PLD5: variants seen among roughly 807,000 people sequenced by gnomAD.
PLD5 encodes the protein phospholipase D family member 5, also known as inactive phospholipase D5.
A neutral mutation model predicts 61.1 loss-of-function variants in PLD5; 36 were observed. The observed-to-expected ratio is 0.59, with a 90% confidence interval of 0.45 to 0.78. The LOEUF (loss-of-function observed/expected upper bound fraction) is 0.78. Ranked by LOEUF, PLD5 falls within the 30% of genes least tolerant of loss-of-function variation. The probability of loss-of-function intolerance (pLI) is 0.00; values close to 1 mark genes in which losing one functional copy is unlikely to be tolerated. For synonymous variants in PLD5, 243 were observed against 242.8 expected (o/e 1.00, Z -0.01); for missense variants, 515 against 644.4 (o/e 0.80, Z 2.17).
intron 4 of PLD5, among the ~76,000 whole-genome samples, chr1:242,230,310 T>G (rs1403220668): frequency 1.3e-5 from 2 of 152,226 alleles, no homozygotes; most frequent in Non-Finnish European, 2.9e-5. Flanking sequence ...ATTATAAAAT[T>G]AATCACTAGC....
intron 1 of PLD5, among the ~76,000 whole-genome samples, chr1:242,383,781 A>G (rs1662438664): frequency 6.6e-6 from 1 of 152,166 alleles, no homozygotes; most frequent in African/African-American, 2.4e-5. Flanking sequence ...ATGACACAAA[A>G]ATCTTTCGCC....
At chr1:242,212,909 T>C (rs748546890) in intron 5 of PLD5, among the ~76,000 whole-genome samples, 11 of 152,212 alleles carry the variant, frequency 7.2e-5, no homozygotes, top group Non-Finnish European at 1.2e-4. Context: ...ACAGTTGCCT[T>C]TGAAGGGAGA....
intron 5 of PLD5, among the ~76,000 whole-genome samples, chr1:242,173,476 C>T (rs1666899145): frequency 1.3e-5 from 2 of 152,076 alleles, no homozygotes; most frequent in Admixed American, 1.3e-4. Flanking sequence ...CCATACTGCC[C>T]AAGGTAATTT....
chr1:242,312,548 T>C (rs1369749113), intron 2 of PLD5, among the ~76,000 whole-genome samples: 2 of 152,170 alleles, frequency 1.3e-5, no homozygotes, highest in Non-Finnish European at 1.5e-5. Context: ...TGTGGGTCTA[T>C]AAAACCCTTG....
chr1:242,091,478 C>G (rs1425264263), intron 9 of PLD5, among the ~76,000 whole-genome samples: 1 of 152,142 alleles, frequency 6.6e-6, no homozygotes, highest in African/African-American at 2.4e-5. Context: ...TAGATGTTTA[C>G]AGTTGAGAAA....
intron 4 of PLD5, among the ~76,000 whole-genome samples, chr1:242,239,974 G>A (rs55950971): frequency 0.085 from 12,993 of 152,218 alleles, 710 homozygotes; most frequent in East Asian, 0.16. Flanking sequence ...TGTTTTGTTC[G>A]TGGCTACAGA....
rs558766375 is a variant in PLD5, at chr1:242,459,108, A to C, written c.189+64980T>G. Among the ~76,000 whole-genome samples, 120 of 152,356 alleles carry C rather than the reference A, an allele frequency of 7.9e-4. 1 individual carries two copies. The highest frequency in any genetic ancestry group is 2.6e-3 in the African/African-American group (109 of 41,578). ...ACTAATCAAATTAATGATCTAAGAC[A>C]AACTGTTACATGGATGGGAGATAGA... On this transcript the variant is annotated intron_variant, in intron 1 of 9. Coordinates refer to ENST00000536534, the MANE Select transcript of PLD5 (RefSeq NM_001372062.1).
intron 1 of PLD5, among the ~76,000 whole-genome samples, chr1:242,416,777 T>G (rs1277257950): frequency 6.6e-6 from 1 of 152,222 alleles, no homozygotes; most frequent in Non-Finnish European, 1.5e-5. Flanking sequence ...AGGCATTGAT[T>G]CAATAGATTC....
intron 5 of PLD5, among the ~76,000 whole-genome samples, chr1:242,159,539 TGGTTCTCCGAGGTGGGGTAC>T (rs986061150): frequency 6.6e-5 from 10 of 152,166 alleles, no homozygotes; most frequent in South Asian, 2.1e-4. Context: ...ACTGTGTTTA[TGGTTCTCCGAGGTGGGGTAC>T]GGTTCTCCGA....
intron 1 of PLD5, among the ~76,000 whole-genome samples, chr1:242,437,686 CA>C (rs11308782): frequency 0.61 from 90,970 of 149,554 alleles, 28,408 homozygotes; most frequent in African/African-American, 0.78. Flanking sequence ...GTTTACGTCT[CA>C]AAAAAAAAAA....
chr1:242,402,505 G>A (rs963729593), intron 1 of PLD5, among the ~76,000 whole-genome samples: 14 of 152,180 alleles, frequency 9.2e-5, no homozygotes, highest in Admixed American at 4.6e-4. Flanking sequence ...CTATATGGTT[G>A]CCTACCTTAT....
intron 1 of PLD5, among the ~76,000 whole-genome samples, chr1:242,394,949 T>TTATATATGAA (rs1663405076): frequency 1.5e-5 from 1 of 67,204 alleles, no homozygotes; most frequent in African/African-American, 7.3e-5. Flanking sequence ...ATATATATGA[T>TTATATATGAA]TATATATGAA....
chr1:242,362,608 T>C (rs1422746650), intron 1 of PLD5, among the ~76,000 whole-genome samples: 5 of 152,130 alleles, frequency 3.3e-5, no homozygotes, highest in Non-Finnish European at 7.3e-5. Flanking sequence ...CGTCACCCAG[T>C]AGACCCAGAG....
chr1:242,132,195 G>C (rs868384129), intron 5 of PLD5, among the ~76,000 whole-genome samples: 23 of 95,210 alleles, frequency 2.4e-4, no homozygotes, highest in African/African-American at 6.0e-4. Context: ...GTGATTGCGG[G>C]GGGGGGGGGG....
At chr1:242,276,606 T>C (rs918230109) in intron 3 of PLD5, among the ~76,000 whole-genome samples, 1 of 150,438 alleles carries the variant, frequency 6.6e-6, no homozygotes, top group Non-Finnish European at 1.5e-5. Context: ...CCAGGAGAAA[T>C]ATGGAATTCC....
At chr1:242,381,645 G>A (rs1662285322) in intron 1 of PLD5, among the ~76,000 whole-genome samples, 1 of 151,984 alleles carries the variant, frequency 6.6e-6, no homozygotes, top group Admixed American at 6.5e-5. Flanking sequence ...TTTTATTTTT[G>A]TAAAAATTCT....
chr1:242,391,771 G>C (rs928315408), intron 1 of PLD5, among the ~76,000 whole-genome samples: 6 of 152,166 alleles, frequency 3.9e-5, no homozygotes, highest in Non-Finnish European at 8.8e-5. Flanking sequence ...CAATGTTTTG[G>C]GGAGCAGTTA....
intron 6 of PLD5, among the ~76,000 whole-genome samples, chr1:242,116,598 A>G (rs903493262): frequency 6.6e-6 from 1 of 152,188 alleles, no homozygotes; most frequent in East Asian, 1.9e-4. Context: ...CTCAGTGTTT[A>G]GTGTTGCCAT....
At chr1:242,354,913 G>A (rs1014142342) in intron 1 of PLD5, among the ~76,000 whole-genome samples, 7 of 152,000 alleles carry the variant, frequency 4.6e-5, no homozygotes, top group African/African-American at 1.7e-4. Flanking sequence ...TGTCAATGTG[G>A]TGTATCACAT....
Sources: allele counts gnomAD v4.1 joint callset (sites outside exome capture counted in the v4.1 genomes callset), GRCh38; gene constraint gnomAD v4.1.1; transcripts MANE v1.5; gene names NCBI Gene and HGNC (gene_info 2026-07-23, HGNC 2026-07-21).